ZNF486: variants seen among roughly 807,000 people sequenced by gnomAD.
ZNF486 encodes the protein KRAB box only protein 2.
In ZNF486, 12 loss-of-function variants were observed where a neutral mutation model predicts 12.8. The observed-to-expected ratio is 0.94, with a 90% confidence interval of 0.60 to 1.52. The LOEUF (loss-of-function observed/expected upper bound fraction) is 1.52, where lower values mean the gene tolerates loss of function less well. Ranked by LOEUF, ZNF486 falls within the 40% of genes most tolerant of loss-of-function variation. The probability of loss-of-function intolerance (pLI) is 0.00; values close to 1 mark genes in which losing one functional copy is unlikely to be tolerated. For missense variants in ZNF486, 738 were observed against 545.0 expected (o/e 1.35, Z -3.53); for synonymous variants, 231 against 184.9 (o/e 1.25, Z -2.02).
chr19:20,183,805 A>T (rs1555715923), intron 1 of ZNF486, among the ~76,000 whole-genome samples: 1 of 152,194 alleles, frequency 6.6e-6, no homozygotes. Context: ...CTTTGTTTAC[A>T]GGCTAGAAAA....
chr19:20,186,688 C>G (rs1330996575), intron 3 of ZNF486, among the ~76,000 whole-genome samples: 1 of 151,486 alleles, frequency 6.6e-6, no homozygotes, highest in African/African-American at 2.4e-5. Flanking sequence ...AAAAATACCA[C>G]TGCAATTTTG....
At chr19:20,186,523 C>T (rs1023195582) in intron 3 of ZNF486, among the ~76,000 whole-genome samples, 4 of 152,012 alleles carry the variant, frequency 2.6e-5, no homozygotes, top group Non-Finnish European at 5.9e-5. Flanking sequence ...CTGCACAGTC[C>T]ATTCTGTTTT....
chr19:20,184,004 G>A (rs1266754858), intron 1 of ZNF486, among the ~76,000 whole-genome samples: 2 of 151,994 alleles, frequency 1.3e-5, no homozygotes, highest in African/African-American at 2.4e-5. Flanking sequence ...TTGGAGAGAT[G>A]ACTTCTAACT....
chr19:20,179,934 C>G (rs2089765720), intron 1 of ZNF486, among the ~76,000 whole-genome samples: 1 of 152,208 alleles, frequency 6.6e-6, no homozygotes, highest in Non-Finnish European at 1.5e-5. Context: ...AAATGTGATA[C>G]TGGAGTAGAG....
intron 1 of ZNF486, among the ~76,000 whole-genome samples, chr19:20,182,097 G>A (rs2089793746): frequency 6.6e-6 from 1 of 152,192 alleles, no homozygotes; most frequent in Admixed American, 6.5e-5. Flanking sequence ...GGGTGGAGAT[G>A]CGTTGTCCCT....
intron 3 of ZNF486, among the ~76,000 whole-genome samples, chr19:20,195,126 C>A (rs2089945210): frequency 1.3e-5 from 2 of 152,090 alleles, no homozygotes; most frequent in African/African-American, 4.8e-5. Context: ...CCCACCTCAG[C>A]CTCCTAAAGT....
At chr19:20,196,710 C>T (rs1555717997) in intron 3 of ZNF486, among the ~76,000 whole-genome samples, 1 of 150,714 alleles carries the variant, frequency 6.6e-6, no homozygotes, top group East Asian at 1.9e-4. Flanking sequence ...TTTTCTTTAT[C>T]TTCTATGTGA....
intron 1 of ZNF486, among the ~76,000 whole-genome samples, chr19:20,183,325 AG>A (rs1219371543): frequency 6.6e-6 from 1 of 152,228 alleles, no homozygotes; most frequent in Non-Finnish European, 1.5e-5. Context: ...AGCTCTATGC[AG>A]AACAGGATTA....
intron 3 of ZNF486, chr19:20,188,556 C>T (rs2089872418): frequency 7.5e-6 from 3 of 397,838 alleles, no homozygotes; most frequent in Non-Finnish European, 8.9e-6. Flanking sequence ...TGGTGGTATG[C>T]AGCTGTGGTA....
At chr19:20,176,226 T>TGGGCGGCCGGGCAGAGAC (rs1474821285) in intron 1 of ZNF486, 1 of 181,256 alleles carries the variant, frequency 5.5e-6, no homozygotes, top group African/African-American at 2.7e-5. Flanking sequence ...TCTCATACGA[T>TGGGCGGCCGGGCAGAGAC]GGGCGGCCGG....
At chr19:20,171,621 A>G (rs1568315821) in intron 1 of ZNF486, among the ~76,000 whole-genome samples, 1 of 152,248 alleles carries the variant, frequency 6.6e-6, no homozygotes, top group Non-Finnish European at 1.5e-5. Context: ...GCACACAGAA[A>G]TAAATCAGAG....
chr19:20,188,677 G>C (rs1192767634), intron 3 of ZNF486: 1 of 385,108 alleles, frequency 2.6e-6, no homozygotes, highest in African/African-American at 2.1e-5. Context: ...TTCATTTCAG[G>C]CATGTTAAGT....
At chr19:20,192,163 A>G (rs1029443646) in intron 3 of ZNF486, among the ~76,000 whole-genome samples, 3 of 152,106 alleles carry the variant, frequency 2.0e-5, no homozygotes, top group Non-Finnish European at 2.9e-5. Context: ...TGTGGTTACT[A>G]TTTTTATGAT....
At chr19:20,188,461 A>AT (rs2089871613) in intron 3 of ZNF486, 1 of 398,424 alleles carries the variant, frequency 2.5e-6, no homozygotes, top group African/African-American at 2.1e-5. Flanking sequence ...ACACAGGAGG[A>AT]TCCCTGGAGC....
chr19:20,190,669 G>A (rs1555717060), intron 3 of ZNF486, among the ~76,000 whole-genome samples: 1 of 152,204 alleles, frequency 6.6e-6, no homozygotes, highest in Admixed American at 6.5e-5. Context: ...ATAGGCAAGA[G>A]CCACTGCACC....
chr19:20,188,634 G>A, intron 3 of ZNF486: 1 of 395,318 alleles, frequency 2.5e-6, no homozygotes. Flanking sequence ...ATGACAGAGT[G>A]AGACCCTGTC....
Position 20,197,604 on chromosome 19 carries a change from A to G in ZNF486, c.894A>G (p.Glu298=), listed in dbSNP as rs962242129. 7 of 1,613,780 alleles carry G rather than the reference A, an allele frequency of 4.3e-6. No homozygotes were observed. The highest frequency in any genetic ancestry group is 5.9e-6 in the Non-Finnish European group (7 of 1,179,872). The change falls in exon 4 of 4, where the codon GAA becomes GAG. Residue 298 remains glutamate (E), a synonymous_variant. Coordinates refer to ENST00000335117, the MANE Select transcript of ZNF486 (RefSeq NM_052852.4). ...GAGAGCAACCCTACAAATGTAAAGA[A>G]TGTGACAAAGCTTTTAACCATCCTG... ...HTGEQPYKCK[E]CDKAFNHPAT... is the part of the protein sequence containing the mutation.
At chr19:20,185,882 T>G (rs2089838576) in intron 2 of ZNF486, 105 bp from the exon 3 acceptor site, 3 of 572,408 alleles carry the variant, frequency 5.2e-6, no homozygotes, top group East Asian at 7.2e-5. Flanking sequence ...TATTTTGGTA[T>G]TAATTTACTA....
At chr19:20,188,531 A>G (rs1457461250) in intron 3 of ZNF486, 1 of 398,174 alleles carries the variant, frequency 2.5e-6, no homozygotes, top group African/African-American at 2.1e-5. Flanking sequence ...AAAATAATTT[A>G]ATAATTGCCA....
Sources: allele counts gnomAD v4.1 joint callset (sites outside exome capture counted in the v4.1 genomes callset), GRCh38; gene constraint gnomAD v4.1.1; transcripts MANE v1.5; gene names NCBI Gene and HGNC (gene_info 2026-07-23, HGNC 2026-07-21).